RAB3GAP2: variants seen among roughly 807,000 people sequenced by gnomAD.
The protein encoded by RAB3GAP2 is RAB3 GTPase activating non-catalytic protein subunit 2, also known as rab3 GTPase-activating protein non-catalytic subunit.
In RAB3GAP2, 87 loss-of-function variants were observed where a neutral mutation model predicts 185.3. That is an observed-to-expected ratio of 0.47 (90% CI 0.39 to 0.56). The LOEUF is 0.56. Ranked by LOEUF, RAB3GAP2 falls within the 20% of genes least tolerant of loss-of-function variation. RAB3GAP2 has a pLI of 0.00. For synonymous variants in RAB3GAP2, 554 were observed against 576.1 expected (o/e 0.96, Z 0.55); for missense variants, 1,492 against 1,638.2 (o/e 0.91, Z 1.54).
intron 1 of RAB3GAP2, among the ~76,000 whole-genome samples, chr1:220,251,347 CAG>C (rs71865228): frequency 0.01 from 1,564 of 151,978 alleles, 32 homozygotes; most frequent in African/African-American, 0.035. Context: ...GAATATGAAA[CAG>C]AAGCTAAAAA....
At chr1:220,162,513 C>T (rs886192601) in intron 27 of RAB3GAP2, among the ~76,000 whole-genome samples, 1 of 152,092 alleles carries the variant, frequency 6.6e-6, no homozygotes, top group African/African-American at 2.4e-5. Flanking sequence ...AAAAGAGTCA[C>T]ATCATTAGTT....
chr1:220,253,918 A>G, intron 1 of RAB3GAP2: 1 of 1,613,594 alleles, frequency 6.2e-7, no homozygotes, highest in Non-Finnish European at 8.5e-7. Context: ...CAAACAGAAA[A>G]CACCTGGAAA....
chr1:220,153,818 T>C, intron 32 of RAB3GAP2, 150 bp downstream of exon 32: 1 of 1,076,678 alleles, frequency 9.3e-7, no homozygotes, highest in East Asian at 2.9e-5. Flanking sequence ...GTTCTCATTG[T>C]TCAACTCCCA....
At chr1:220,201,632 T>G in intron 9 of RAB3GAP2, among the ~76,000 whole-genome samples, 1 of 152,032 alleles carries the variant, frequency 6.6e-6, no homozygotes, top group South Asian at 2.1e-4. Flanking sequence ...CCTAAGTAGC[T>G]GGGAATACAG....
At position 220,174,035 on chromosome 1, in the gene RAB3GAP2, A is replaced by G. The variant is rs543180098; in HGVS notation, c.2311-1293T>C. On this transcript the variant is annotated intron_variant, in intron 21 of 34. Transcript: ENST00000358951. ...ACTCTGTCTCAAAAAAAAAAAAAAA[A>G]AAAGAAAAGAAAAGAACTAAAATTG... 3.4e-4 allele frequency among the ~76,000 whole-genome samples: 52 copies of G among 151,292 alleles called. No individual in the cohort carries two copies. In the East Asian group the frequency reaches 5.8e-3, roughly 17 times the overall value.
chr1:220,200,828 C>T (rs959736185), intron 9 of RAB3GAP2, among the ~76,000 whole-genome samples: 1 of 152,120 alleles, frequency 6.6e-6, no homozygotes, highest in Non-Finnish European at 1.5e-5. Context: ...AGTCACTCTC[C>T]TTCCTCTTCT....
chr1:220,222,977 T>TG lies in RAB3GAP2; in HGVS notation c.181-8999_181-8998insC, dbSNP rs1659335445. On this transcript the variant is annotated intron_variant, in intron 2 of 34. Coordinates refer to ENST00000358951, the MANE Select transcript of RAB3GAP2 (RefSeq NM_012414.4). Reference sequence around the variant, plus strand: ...CATACAAAATTCATTTCATAAACAATTACAATGGAACTCCAAAACTAAATG... The same window carrying TG: ...CATACAAAATTCATTTCATAAACAATGTACAATGGAACTCCAAAACTAAATG... 3.3e-5 allele frequency among the ~76,000 whole-genome samples: 5 copies of TG among 152,358 alleles called. 1 individual carries two copies. In the South Asian group the frequency reaches 1.0e-3, roughly 32 times the overall value.
chr1:220,183,053 C>T lies in RAB3GAP2; in HGVS notation c.1999-122G>A, dbSNP rs555945950. ...ATTAATATAATACCTATCATGTATT[C>T]TGCTTAAAACTTTACTTACAAATCA... On this transcript the variant is annotated intron_variant, in intron 19 of 34. Coordinates refer to ENST00000358951, the MANE Select transcript of RAB3GAP2 (RefSeq NM_012414.4). The T allele has an allele frequency of 3.2e-5, 23 of 723,372 alleles. No homozygotes were observed. In the South Asian group the frequency reaches 3.9e-4, roughly 12 times the overall value. 44.8% of individuals were successfully genotyped at this position (723,372 alleles called of 1,614,324 possible). A position where few individuals can be genotyped will look rare whatever the true frequency, so the allele number is the denominator to read the frequency against.
intron 15 of RAB3GAP2, 104 bp downstream of exon 15, chr1:220,190,273 A>G: frequency 6.4e-7 from 1 of 1,561,130 alleles, no homozygotes; most frequent in Non-Finnish European, 8.8e-7. Context: ...GTCTAAAGAC[A>G]AAGGAAACAA....
chr1:220,243,336 A>T (rs1016981469), intron 1 of RAB3GAP2, among the ~76,000 whole-genome samples: 1 of 147,546 alleles, frequency 6.8e-6, no homozygotes, highest in African/African-American at 2.6e-5. Context: ...CCTGGGTGAC[A>T]GAGAGAGACT....
chr1:220,157,525 T>C lies in RAB3GAP2; in HGVS notation c.3337-37A>G. On this transcript the variant is annotated intron_variant, in intron 30 of 34. Transcript: ENST00000358951. ...GAGAATGGAGGACTGTGTTCAGTAATGGAAAAATAATAGCTTACAAATATC... is the reference window on the plus strand; with the variant it reads ...GAGAATGGAGGACTGTGTTCAGTAACGGAAAAATAATAGCTTACAAATATC... The C allele has an allele frequency of 2.5e-6, 4 of 1,591,930 alleles. 1 individual carries two copies. The South Asian group carries it at 3.3e-5, about 13-fold the overall frequency.
rs575739542 is a variant in RAB3GAP2, at chr1:220,202,158, C to T, written c.811+118G>A. The T allele has an allele frequency of 2.5e-4, 279 of 1,134,084 alleles. 4 individuals are homozygous for T. The African/African-American group carries it at 4.2e-3, about 17-fold the overall frequency. 70.3% of individuals were successfully genotyped at this position (1,134,084 alleles called of 1,614,324 possible). ...CCTGCCTGGGTGACAGAGCAAAGCT[C>T]CATCTTAAAAAATAATAATAATAAA... is the stretch of plus-strand genomic sequence containing the variant. On this transcript the variant is annotated intron_variant, in intron 9 of 34. Transcript: ENST00000358951.
At chr1:220,151,515 A>C (rs1657753641) in intron 34 of RAB3GAP2, 91 bp downstream of exon 34, 1 of 1,591,552 alleles carries the variant, frequency 6.3e-7, no homozygotes, top group South Asian at 1.1e-5. Flanking sequence ...GGTGAATTAA[A>C]CTTGTCAAAT....
At chr1:220,248,382 A>T (rs992101820) in intron 1 of RAB3GAP2, among the ~76,000 whole-genome samples, 7 of 152,184 alleles carry the variant, frequency 4.6e-5, no homozygotes, top group Non-Finnish European at 8.8e-5. Context: ...AAGAAAAAAA[A>T]ATTAACTATG....
intron 2 of RAB3GAP2, among the ~76,000 whole-genome samples, chr1:220,230,524 G>A (rs1659478710): frequency 6.6e-6 from 1 of 152,100 alleles, no homozygotes; most frequent in African/African-American, 2.4e-5. Flanking sequence ...TTCTGAAATG[G>A]TTTCCTGTTC....
intron 1 of RAB3GAP2, among the ~76,000 whole-genome samples, chr1:220,268,531 G>T: frequency 6.6e-6 from 1 of 152,240 alleles, no homozygotes; most frequent in Admixed American, 6.5e-5. Context: ...TTGAAGTATG[G>T]TTTCTACAAA....
At chr1:220,191,035 G>T in intron 14 of RAB3GAP2, 33 bp downstream of exon 14, 1 of 1,556,764 alleles carries the variant, frequency 6.4e-7, no homozygotes, top group Non-Finnish European at 8.9e-7. Context: ...ATTTCATTTT[G>T]TAACCAGCAC....
intron 29 of RAB3GAP2, among the ~76,000 whole-genome samples, chr1:220,159,070 T>C (rs1479796293): frequency 1.3e-5 from 2 of 152,222 alleles, no homozygotes; most frequent in African/African-American, 4.8e-5. Flanking sequence ...AATTTGATGT[T>C]GGATGCTTCC....
At position 220,202,148 on chromosome 1, in the gene RAB3GAP2, G is replaced by A. The variant is rs1323966889; in HGVS notation, c.811+128C>T. 8 of 1,047,328 alleles carry A rather than the reference G, an allele frequency of 7.6e-6. No homozygotes were observed. The East Asian group carries it at 2.4e-4, about 32-fold the overall frequency. The allele number at this position is 1,047,328 out of a possible 1,614,324, so 64.9% of individuals were successfully genotyped here. A position where few individuals can be genotyped will look rare whatever the true frequency, so the allele number is the denominator to read the frequency against. ...CCACTGCACTCCTGCCTGGGTGACA[G>A]AGCAAAGCTCCATCTTAAAAAATAA... On this transcript the variant is annotated intron_variant, in intron 9 of 34. Coordinates refer to ENST00000358951, the MANE Select transcript of RAB3GAP2 (RefSeq NM_012414.4).
Sources: gnomAD v4.1 joint callset for allele counts (sites outside exome capture counted in the v4.1 genomes callset) on GRCh38, gnomAD v4.1.1 for gene constraint, MANE v1.5 for transcripts, NCBI Gene and HGNC (gene_info 2026-07-23, HGNC 2026-07-21) for gene names.